The following CERS6 variants were observed in gnomAD, a reference collection of about 807,000 sequenced individuals.
The protein encoded by CERS6 is ceramide synthase 6.
A neutral mutation model predicts 56.8 loss-of-function variants in CERS6; 26 were observed. The observed-to-expected ratio is 0.46, with a 90% confidence interval of 0.34 to 0.63. CERS6 has a LOEUF of 0.63. CERS6 is among the 30% of genes least tolerant of loss of function. The pLI, the probability that CERS6 is intolerant of heterozygous loss-of-function variation, is 0.01. For synonymous variants in CERS6, 164 were observed against 173.3 expected, an observed-to-expected ratio of 0.95 and a Z score of 0.42; for missense variants, 415 against 467.5, an observed-to-expected ratio of 0.89 and a Z score of 1.04.
intron 3 of CERS6, among the ~76,000 whole-genome samples, chr2:168,568,304 G>A (rs1338150070): frequency 1.3e-5 from 2 of 152,190 alleles, no homozygotes; most frequent in Non-Finnish European, 2.9e-5. Flanking sequence ...AGGACAGAAT[G>A]TAGAGGAATA....
chr2:168,623,876 G>A (rs966628713), intron 3 of CERS6, among the ~76,000 whole-genome samples: 2 of 152,152 alleles, frequency 1.3e-5, no homozygotes, highest in Admixed American at 6.5e-5. Flanking sequence ...GAAAAACGGG[G>A]ACACCTGTTT....
intron 3 of CERS6, among the ~76,000 whole-genome samples, chr2:168,616,450 G>A (rs1559021965): frequency 2.0e-5 from 3 of 152,156 alleles, no homozygotes; most frequent in African/African-American, 7.2e-5. Context: ...TGGCAGAATG[G>A]AGAAGAATTC....
At chr2:168,489,241 C>G (rs1394006414) in intron 1 of CERS6, among the ~76,000 whole-genome samples, 2 of 152,052 alleles carry the variant, frequency 1.3e-5, no homozygotes, top group Non-Finnish European at 2.9e-5. Flanking sequence ...TTCTTGCCTG[C>G]TTGGTTTATG....
chr2:168,497,262 T>G (rs1274289991), intron 1 of CERS6, among the ~76,000 whole-genome samples: 3 of 152,210 alleles, frequency 2.0e-5, no homozygotes, highest in Non-Finnish European at 4.4e-5. Context: ...AGGAATTAAC[T>G]TGGATTTTCA....
chr2:168,642,563 A>G (rs999510641), intron 4 of CERS6, among the ~76,000 whole-genome samples: 18 of 152,164 alleles, frequency 1.2e-4, no homozygotes, highest in African/African-American at 4.3e-4. Context: ...CCATTACTAC[A>G]ATGTTAACAG....
intron 1 of CERS6, among the ~76,000 whole-genome samples, chr2:168,469,522 A>G (rs1029080250): frequency 1.8e-4 from 28 of 151,728 alleles, no homozygotes; most frequent in African/African-American, 6.5e-4. Context: ...GAAAATGGAA[A>G]TTGAAACTTA....
At chr2:168,559,630 A>G (rs1326380690) in intron 2 of CERS6, among the ~76,000 whole-genome samples, 1 of 150,222 alleles carries the variant, frequency 6.7e-6, no homozygotes, top group Non-Finnish European at 1.5e-5. Flanking sequence ...TTCTAATACC[A>G]TCACAATGGG....
Position 168,773,453 on chromosome 2 carries a change from T to C in CERS6, c.*3791T>C, listed in dbSNP as rs1464551397. 1 of 152,196 alleles carries C rather than the reference T, an allele frequency of 6.6e-6. No individual in the cohort carries two copies. Among genetic ancestry groups the C allele is most frequent in the Non-Finnish European group, 1.5e-5 (1 of 68,038 alleles). 9.4% of individuals were successfully genotyped at this position (152,196 alleles called of 1,614,324 possible). The stretch of plus-strand genomic sequence containing the variant: ...TTGTCTTTGGCTGATTTCTGCTTTG[T>C]AGATAAATAATAATAGCCCTGAGAT... On this transcript the variant is annotated 3_prime_UTR_variant, in exon 10 of 10. Transcript: ENST00000305747.
At position 168,474,489 on chromosome 2, in the gene CERS6, C is replaced by T. The variant is rs964560877; in HGVS notation, c.170+17871C>T. On this transcript the variant is annotated intron_variant, in intron 1 of 9. Coordinates refer to ENST00000305747, the MANE Select transcript of CERS6 (RefSeq NM_203463.3). The stretch of plus-strand genomic sequence containing the variant: ...AGGAAATGCATTCCTCGTGTCCTCC[C>T]AACCATGACTTATCCTGCAGCAAAT... Among the ~76,000 whole-genome samples, 3 of 152,172 alleles carry T rather than the reference C, an allele frequency of 2.0e-5. No homozygotes were observed. The East Asian group carries it at 5.8e-4, about 29-fold the overall frequency.
intron 2 of CERS6, among the ~76,000 whole-genome samples, chr2:168,552,534 A>G (rs1695595227): frequency 6.6e-6 from 1 of 152,176 alleles, no homozygotes; most frequent in Non-Finnish European, 1.5e-5. Context: ...GAGGAAGTGA[A>G]AAGCATGAAG....
chr2:168,568,014 G>A (rs552720269), intron 3 of CERS6, among the ~76,000 whole-genome samples: 2 of 152,298 alleles, frequency 1.3e-5, no homozygotes, highest in South Asian at 4.1e-4. Context: ...TCTGTGGCCG[G>A]TGAACTCAGG....
intron 1 of CERS6, among the ~76,000 whole-genome samples, chr2:168,473,775 G>C (rs1330725089): frequency 2.0e-5 from 3 of 152,132 alleles, no homozygotes; most frequent in Non-Finnish European, 4.4e-5. Flanking sequence ...CATTTTCACT[G>C]TTTCTTCTAT....
intron 1 of CERS6, among the ~76,000 whole-genome samples, chr2:168,489,129 C>G (rs1694324495): frequency 6.6e-6 from 1 of 152,040 alleles, no homozygotes; most frequent in Non-Finnish European, 1.5e-5. Context: ...CTAAAAATAC[C>G]ATTATTTAGC....
At chr2:168,549,020 T>C (rs1351297048) in intron 2 of CERS6, among the ~76,000 whole-genome samples, 4 of 152,192 alleles carry the variant, frequency 2.6e-5, no homozygotes, top group Non-Finnish European at 1.5e-5. Flanking sequence ...ATCAAATTAC[T>C]TAAGTGAAAC....
At chr2:168,767,412 G>A (rs893087923) in intron 9 of CERS6, among the ~76,000 whole-genome samples, 1 of 152,186 alleles carries the variant, frequency 6.6e-6, no homozygotes, top group African/African-American at 2.4e-5. Flanking sequence ...TAAAACTGGA[G>A]TTTTCTATTT....
chr2:168,675,849 G>C (rs1441896417), intron 4 of CERS6, among the ~76,000 whole-genome samples: 1 of 151,834 alleles, frequency 6.6e-6, no homozygotes, highest in Non-Finnish European at 1.5e-5. Context: ...ACCATGCCCA[G>C]CTAATTTTTG....
chr2:168,531,018 G>A (rs1249154060), intron 1 of CERS6, among the ~76,000 whole-genome samples: 4 of 152,072 alleles, frequency 2.6e-5, no homozygotes, highest in Admixed American at 2.6e-4. Flanking sequence ...ATAATAAAAT[G>A]AAGATAGATT....
intron 5 of CERS6, 72 bp from the exon 6 acceptor site, chr2:168,694,887 T>C: frequency 4.3e-6 from 5 of 1,176,452 alleles, no homozygotes; most frequent in Non-Finnish European, 6.3e-6. Flanking sequence ...AGCAGTGAGC[T>C]TGAGATGTCT....
At chr2:168,716,114 A>G (rs1350690877) in intron 7 of CERS6, among the ~76,000 whole-genome samples, 1 of 152,168 alleles carries the variant, frequency 6.6e-6, no homozygotes, top group African/African-American at 2.4e-5. Context: ...AGGTATATAC[A>G]GCACTTTGTT....
Sources: allele counts gnomAD v4.1 joint callset (sites outside exome capture counted in the v4.1 genomes callset), GRCh38; gene constraint gnomAD v4.1.1; transcripts MANE v1.5; gene names NCBI Gene and HGNC (gene_info 2026-07-23, HGNC 2026-07-21).